Variants in PAK1 observed in about 807,000 individuals in gnomAD.
PAK1 encodes the protein p21 (RAC1) activated kinase 1, also known as serine/threonine-protein kinase PAK 1.
In PAK1, 29 loss-of-function variants were observed where a neutral mutation model predicts 67.4. That is an observed-to-expected ratio of 0.43 (90% confidence interval 0.32 to 0.59). The LOEUF (loss-of-function observed/expected upper bound fraction) is 0.59. Among genes scored for constraint, PAK1 ranks in the 20% least tolerant of loss-of-function variants. PAK1 has a pLI of 0.07. For synonymous variants in PAK1, 223 were observed against 237.4 expected, an observed-to-expected ratio of 0.94 and a Z score of 0.56; for missense variants, 337 against 670.7, an observed-to-expected ratio of 0.50 and a Z score of 5.50.
At chr11:77,462,968 GAAAA>G (rs111437533) in intron 1 of PAK1, among the ~76,000 whole-genome samples, 1 of 34,012 alleles carries the variant, frequency 2.9e-5, no homozygotes, top group Admixed American at 4.8e-4. Flanking sequence ...ACAACAGTGA[GAAAA>G]AAAAAAAAAA....
the PAK1 span, among the ~76,000 whole-genome samples, chr11:77,496,105 G>A: frequency 1.3e-5 from 2 of 149,066 alleles, no homozygotes; most frequent in Admixed American, 6.8e-5. Flanking sequence ...TGCAACCTCC[G>A]CTTCCCAGGT....
chr11:77,509,135 G>A, the PAK1 span, among the ~76,000 whole-genome samples: 1 of 151,724 alleles, frequency 6.6e-6, no homozygotes, highest in Non-Finnish European at 1.5e-5. Context: ...GTGAGGGCCT[G>A]TAGTCCCAGC....
intron 1 of PAK1, among the ~76,000 whole-genome samples, chr11:77,469,951 A>G (rs1957773774): frequency 6.6e-6 from 1 of 152,186 alleles, no homozygotes. Flanking sequence ...TCTTTATCAT[A>G]AACAGTCAAA....
chr11:77,332,436 A>G (rs992341424), intron 14 of PAK1, among the ~76,000 whole-genome samples: 2 of 143,840 alleles, frequency 1.4e-5, no homozygotes, highest in Admixed American at 6.9e-5. Context: ...AGAAGAAAGG[A>G]AAGGAAGGAA....
intron 1 of PAK1, among the ~76,000 whole-genome samples, chr11:77,393,107 CT>C (rs768241207): frequency 1.2e-3 from 174 of 144,834 alleles, no homozygotes; most frequent in South Asian, 8.7e-4. Flanking sequence ...TTGTCTATGG[CT>C]TTTTTTTTTT....
chr11:77,389,051 C>T (rs1489213359), intron 2 of PAK1, among the ~76,000 whole-genome samples: 1 of 152,132 alleles, frequency 6.6e-6, no homozygotes. Context: ...CAAAAAGAAA[C>T]CCCACCCCTC....
the PAK1 span, among the ~76,000 whole-genome samples, chr11:77,486,568 C>T: frequency 2.6e-5 from 4 of 152,164 alleles, no homozygotes; most frequent in Non-Finnish European, 5.9e-5. Context: ...TTGCAGACAC[C>T]ACCCCTCTTC....
At chr11:77,358,828 A>T in intron 6 of PAK1, 70 bp downstream of exon 6, 1 of 1,511,242 alleles carries the variant, frequency 6.6e-7, no homozygotes, top group Non-Finnish European at 9.1e-7. Context: ...TCTAGGTATC[A>T]GCACCAACTC....
At chr11:77,366,881 C>A (rs768506320) in intron 5 of PAK1, among the ~76,000 whole-genome samples, 41 of 152,286 alleles carry the variant, frequency 2.7e-4, no homozygotes, top group Non-Finnish European at 5.0e-4. Flanking sequence ...CCACACAAAA[C>A]CTTGTATGTG....
At chr11:77,408,087 T>G (rs146603965) in intron 1 of PAK1, 194 of 152,360 alleles carry the variant, frequency 1.3e-3, no homozygotes, top group African/African-American at 4.4e-3. Flanking sequence ...TGCCACTGTC[T>G]TGCTAAATCA....
At position 77,327,010 on chromosome 11, in the gene PAK1, G is replaced by A. The variant is rs553254354; in HGVS notation, c.1552-3650C>T. Reference sequence around the variant, plus strand: ...ATGCAGAAGCCTCAGGAGCCGATGCGATCAACTGGAAGAAAGGGTATCAGT... The same window carrying A: ...ATGCAGAAGCCTCAGGAGCCGATGCAATCAACTGGAAGAAAGGGTATCAGT... On this transcript the variant is annotated intron_variant, in intron 14 of 14. Coordinates refer to ENST00000356341, the MANE Select transcript of PAK1 (RefSeq NM_002576.5). Among the ~76,000 whole-genome samples the A allele has an allele frequency of 1.7e-3, 255 of 152,266 alleles. 1 individual carries two copies. Among genetic ancestry groups the A allele is most frequent in the African/African-American group, 4.3e-3 (180 of 41,548 alleles).
the PAK1 span, among the ~76,000 whole-genome samples, chr11:77,524,812 C>T: frequency 6.6e-6 from 1 of 152,116 alleles, no homozygotes; most frequent in African/African-American, 2.4e-5. Context: ...ATCTTTAGCA[C>T]ATGGGACAGT....
At chr11:77,452,052 G>A (rs545207923) in intron 1 of PAK1, among the ~76,000 whole-genome samples, 5 of 152,094 alleles carry the variant, frequency 3.3e-5, no homozygotes, top group South Asian at 2.1e-4. Flanking sequence ...AAAAAACTAC[G>A]TTCACAGAAA....
intron 1 of PAK1, among the ~76,000 whole-genome samples, chr11:77,440,711 A>G (rs1354697601): frequency 2.0e-5 from 3 of 152,236 alleles, no homozygotes; most frequent in Admixed American, 6.5e-5. Flanking sequence ...GATTAGAGAT[A>G]AGCTTCAATC....
At chr11:77,464,989 A>AGTGT (rs57578087) in intron 1 of PAK1, among the ~76,000 whole-genome samples, 11,594 of 148,930 alleles carry the variant, frequency 0.078, 836 homozygotes, top group East Asian at 0.2. Context: ...TACATGAAAG[A>AGTGT]GTGTGTGTGT....
chr11:77,421,446 C>T (rs943951340), intron 1 of PAK1, among the ~76,000 whole-genome samples: 16 of 152,308 alleles, frequency 1.1e-4, no homozygotes, highest in African/African-American at 1.2e-4. Context: ...CTTTATTCCA[C>T]CCTATCCTGC....
intron 5 of PAK1, among the ~76,000 whole-genome samples, chr11:77,363,195 G>T (rs1252740447): frequency 1.3e-5 from 2 of 152,074 alleles, no homozygotes; most frequent in Non-Finnish European, 2.9e-5. Context: ...AAATGACTAG[G>T]TACTGGAATC....
chr11:77,385,461 G>A (rs1950329389), intron 2 of PAK1, among the ~76,000 whole-genome samples: 1 of 152,034 alleles, frequency 6.6e-6, no homozygotes, highest in Non-Finnish European at 1.5e-5. Flanking sequence ...AGATTACAGG[G>A]GAATTTACTT....
At chr11:77,371,483 G>T (rs1054929453) in intron 5 of PAK1, among the ~76,000 whole-genome samples, 10 of 152,062 alleles carry the variant, frequency 6.6e-5, no homozygotes, top group African/African-American at 2.4e-4. Context: ...CAATATTTAG[G>T]GTATGAGTGA....
Sources: gnomAD v4.1 joint callset for allele counts (sites outside exome capture counted in the v4.1 genomes callset) on GRCh38, gnomAD v4.1.1 for gene constraint, MANE v1.5 for transcripts, NCBI Gene and HGNC (gene_info 2026-07-23, HGNC 2026-07-21) for gene names.